Variants in SP7 observed in about 807,000 individuals in gnomAD.
The protein encoded by SP7 is transcription factor Sp7.
A neutral mutation model predicts 27.9 loss-of-function variants in SP7; 13 were observed. The observed-to-expected ratio is 0.47, with a 90% CI of 0.30 to 0.74. The LOEUF (loss-of-function observed/expected upper bound fraction) is 0.74. Ranked by LOEUF, SP7 falls within the 30% of genes least tolerant of loss-of-function variation. The pLI is 0.06. For missense variants in SP7, 525 were observed against 558.0 expected (o/e 0.94, Z 0.60); for synonymous variants, 219 against 226.7 (o/e 0.97, Z 0.31).
Position 53,333,030 on chromosome 12 carries a change from C to G in SP7, c.21+2596G>C, listed in dbSNP as rs376814915. Among the ~76,000 whole-genome samples, 33 of 152,310 alleles carry G rather than the reference C, an allele frequency of 2.2e-4. 2 individuals carry two copies. The highest frequency in any genetic ancestry group is 7.7e-4 in the African/African-American group (32 of 41,578). On this transcript the variant is annotated intron_variant, in intron 2 of 2. Transcript: ENST00000536324. ...GGAGGGGTGAAAGAAGGCAGCCAGC[C>G]CCAGGCCAACAGGAGACCCCAGCCC...
rs1480703550 is a variant in SP7 at position 53,327,889 on chromosome 12, C to T, written c.*257G>A. ...GTGGCAGGGCCAGAGTCTAGGAAGC[C>T]GGAGTGCAGGTATCAGGCACAAGGG... On this transcript the variant is annotated 3_prime_UTR_variant, in exon 3 of 3. Transcript: ENST00000536324. 15 of 468,220 alleles carry T rather than the reference C, an allele frequency of 3.2e-5. No homozygotes were observed. Among genetic ancestry groups the T allele is most frequent in the South Asian group, 8.2e-5 (2 of 24,358 alleles). 29.0% of individuals were successfully genotyped at this position (468,220 alleles called of 1,614,324 possible).
intron 1 of SP7, 127 bp from the exon 2 acceptor site, chr12:53,335,820 C>A (rs1592535824): frequency 7.1e-7 from 1 of 1,410,198 alleles, no homozygotes; most frequent in Non-Finnish European, 9.2e-7. Context: ...TGTAGGGATC[C>A]ACCCTCTAAT....
intron 2 of SP7, among the ~76,000 whole-genome samples, chr12:53,333,861 G>A (rs1413009206): frequency 6.6e-6 from 1 of 151,038 alleles, no homozygotes; most frequent in Admixed American, 6.6e-5. Context: ...GTGCCTTCGT[G>A]TTGCAGGCAT....
intron 1 of SP7, among the ~76,000 whole-genome samples, chr12:53,342,768 T>C (rs1034290016): frequency 2.0e-5 from 3 of 151,902 alleles, no homozygotes; most frequent in African/African-American, 7.3e-5. Context: ...TGAGCCAAGA[T>C]TGTGCCACTG....
In SP7 at chr12:53,326,605, A is replaced by G. The variant is rs186222773; in HGVS notation, c.*1541T>C. 9 of 150,594 alleles carry G rather than the reference A, an allele frequency of 6.0e-5. 1 individual carries two copies. Among genetic ancestry groups the G allele is most frequent in the African/African-American group, 2.2e-4 (9 of 40,760 alleles). The allele number at this position is 150,594 out of a possible 1,614,324, so 9.3% of individuals were successfully genotyped here. A position where few individuals can be genotyped will look rare whatever the true frequency, so the allele number is the denominator to read the frequency against. ...AATCCAACTTTTATTTATTAAATTAAAAAAAAAAGACTCCACAAAGGGCAT... is the reference window on the plus strand; with the variant it reads ...AATCCAACTTTTATTTATTAAATTAGAAAAAAAAGACTCCACAAAGGGCAT... On this transcript the variant is annotated 3_prime_UTR_variant, in exon 3 of 3. Coordinates refer to ENST00000536324, the MANE Select transcript of SP7 (RefSeq NM_001173467.3).
At chr12:53,330,595 G>A (rs1008967742) in intron 2 of SP7, among the ~76,000 whole-genome samples, 1 of 152,204 alleles carries the variant, frequency 6.6e-6, no homozygotes, top group African/African-American at 2.4e-5. Context: ...CCTGACCCTT[G>A]GAAGTAGGTT....
rs1253957301 is a variant in SP7 at position 53,328,040 on chromosome 12, C to T, written c.*106G>A. 4 of 1,220,602 alleles carry T rather than the reference C, an allele frequency of 3.3e-6. No homozygotes were observed. Among genetic ancestry groups the T allele is most frequent in the East Asian group, 5.2e-5 (2 of 38,574 alleles). 75.6% of individuals were successfully genotyped at this position (1,220,602 alleles called of 1,614,324 possible). A position where few individuals can be genotyped will look rare whatever the true frequency, so the allele number is the denominator to read the frequency against. Reference sequence around the variant, plus strand: ...GGAGGGAGACAGAGGGAGAGAGCCCCGAAGGATGGCATGCATGGGGTAAAG... The same window carrying T: ...GGAGGGAGACAGAGGGAGAGAGCCCTGAAGGATGGCATGCATGGGGTAAAG... On this transcript the variant is annotated 3_prime_UTR_variant, in exon 3 of 3. Transcript: ENST00000536324. This position sits in a 1 kb window ranked among gnomAD's most constrained non-coding sequence, Gnocchi z 5.1.
chr12:53,341,683 C>T (rs1944823570), intron 1 of SP7, among the ~76,000 whole-genome samples: 1 of 152,174 alleles, frequency 6.6e-6, no homozygotes, highest in African/African-American at 2.4e-5. Context: ...GTGGCTCACA[C>T]CTGTAATCCC....
chr12:53,339,806 C>T (rs80042453), upstream of SP7, among the ~76,000 whole-genome samples: 69 of 152,050 alleles, frequency 4.5e-4, no homozygotes, highest in African/African-American at 1.6e-3. Context: ...ATGCTACTTC[C>T]ATCGTCCACA....
upstream of SP7, among the ~76,000 whole-genome samples, chr12:53,339,711 A>G (rs1204464287): frequency 1.4e-5 from 2 of 147,852 alleles, no homozygotes; most frequent in South Asian, 2.2e-4. Context: ...GGCAACAAGA[A>G]CAAAACTCCA....
rs149034312 is a variant in SP7, at chr12:53,335,224, C to G, written c.21+402G>C. ...AGTTGCTGCTCTGTGCCCACTCAGCCAGTCCTCTCTGCCTTCTATCTCTTC... is the reference window on the plus strand; with the variant it reads ...AGTTGCTGCTCTGTGCCCACTCAGCGAGTCCTCTCTGCCTTCTATCTCTTC... On this transcript the variant is annotated intron_variant, in intron 2 of 2. Coordinates refer to ENST00000536324, the MANE Select transcript of SP7 (RefSeq NM_001173467.3). Among the ~76,000 whole-genome samples the G allele has an allele frequency of 2.1e-3, 326 of 152,214 alleles. 3 individuals are homozygous for G. The highest frequency in any genetic ancestry group is 7.6e-3 in the African/African-American group (316 of 41,532).
chr12:53,331,750 G>A (rs1489995116), intron 2 of SP7, among the ~76,000 whole-genome samples: 2 of 152,196 alleles, frequency 1.3e-5, no homozygotes, highest in East Asian at 3.9e-4. Flanking sequence ...CAGTTTTGAG[G>A]ATTGGGTTCT....
At chr12:53,335,996 G>GGA in intron 1 of SP7, 150 bp downstream of exon 1, 3 of 332,000 alleles carry the variant, frequency 9.0e-6, no homozygotes, top group Non-Finnish European at 1.7e-5. Context: ...CAGGAAGAGG[G>GGA]GAGAGCAGCA....
intron 1 of SP7, among the ~76,000 whole-genome samples, chr12:53,341,773 G>GTC (rs1481833654): frequency 6.6e-6 from 1 of 152,126 alleles, no homozygotes; most frequent in East Asian, 1.9e-4. Context: ...GCAAAACCCT[G>GTC]TCTCAGGCTG....
At chr12:53,335,002 G>C (rs1466756851) in intron 2 of SP7, among the ~76,000 whole-genome samples, 2 of 152,104 alleles carry the variant, frequency 1.3e-5, no homozygotes, top group South Asian at 2.1e-4. Flanking sequence ...CCTCCTCCTT[G>C]GTTCCCTCAC....
chr12:53,334,310 C>T (rs1944740569), intron 2 of SP7, among the ~76,000 whole-genome samples: 1 of 150,680 alleles, frequency 6.6e-6, no homozygotes. Flanking sequence ...CTTGGACTCA[C>T]AGCACTCAGA....
At chr12:53,332,586 C>T in intron 2 of SP7, among the ~76,000 whole-genome samples, 1 of 151,934 alleles carries the variant, frequency 6.6e-6, no homozygotes, top group Non-Finnish European at 1.5e-5. Context: ...TCAAAAACAA[C>T]AGCAACAACA....
At position 53,328,698 on chromosome 12, in the gene SP7, G is replaced by T. The variant is rs1195310609; in HGVS notation, c.744C>A (p.Pro248=). ...TACCCCCAGTGCTTGCACCCCGTGG[G>T]GGTTTGGCTCCACCACTCCCTTCTA... ...GQLEGSGGAK[P]PRGASTGGSG... The change falls in exon 3 of 3, where the codon CCC becomes CCA. Residue 248 remains proline, a synonymous_variant. Coordinates refer to ENST00000536324, the MANE Select transcript of SP7 (RefSeq NM_001173467.3). This position sits in a 1 kb window ranked among gnomAD's most constrained non-coding sequence, Gnocchi z 5.1. 3 of 1,606,036 alleles carry T rather than the reference G, an allele frequency of 1.9e-6. No homozygotes were observed. The highest frequency in any genetic ancestry group is 2.6e-6 in the Non-Finnish European group (3 of 1,174,360).
intron 1 of SP7, among the ~76,000 whole-genome samples, chr12:53,341,942 C>G (rs938691299): frequency 1.3e-5 from 2 of 152,150 alleles, no homozygotes; most frequent in Non-Finnish European, 2.9e-5. Flanking sequence ...CGCCTGTAGT[C>G]CCAGCTACTT....
Sources: allele counts gnomAD v4.1 joint callset (sites outside exome capture counted in the v4.1 genomes callset), GRCh38; gene constraint gnomAD v4.1.1; non-coding constraint Gnocchi (gnomAD v3.1); transcripts MANE v1.5; gene names NCBI Gene and HGNC (gene_info 2026-07-23, HGNC 2026-07-21).